The following PTPRZ1 variants were observed in gnomAD, a reference collection of about 807,000 sequenced individuals.
PTPRZ1 encodes protein tyrosine phosphatase receptor type Z1, also known as receptor-type tyrosine-protein phosphatase zeta.
Under a neutral mutation model 214.1 loss-of-function variants are expected in PTPRZ1, and 82 were observed. The observed-to-expected ratio is 0.38, with a 90% CI of 0.32 to 0.46. The LOEUF (loss-of-function observed/expected upper bound fraction) is 0.46, where lower values mean the gene tolerates loss of function less well. Among genes scored for constraint, PTPRZ1 ranks in the 20% least tolerant of loss-of-function variants. The probability of loss-of-function intolerance (pLI) is 1.00; values close to 1 mark genes in which losing one functional copy is unlikely to be tolerated. For synonymous variants in PTPRZ1, 945 were observed against 987.9 expected, an observed-to-expected ratio of 0.96 and a Z score of 0.81; for missense variants, 2,603 against 2,748.7, an observed-to-expected ratio of 0.95 and a Z score of 1.19.
intron 1 of PTPRZ1, among the ~76,000 whole-genome samples, chr7:121,891,738 C>G (rs897865849): frequency 6.6e-6 from 1 of 151,868 alleles, no homozygotes; most frequent in African/African-American, 2.4e-5. Context: ...TACATACTCT[C>G]CAGTTTTTGC....
intron 22 of PTPRZ1, among the ~76,000 whole-genome samples, chr7:122,043,761 G>A (rs1799800189): frequency 6.6e-6 from 1 of 152,160 alleles, no homozygotes; most frequent in African/African-American, 2.4e-5. Flanking sequence ...TTCAGAGGGT[G>A]GAGGATGGCA....
chr7:121,995,550 T>C (rs1798106335), intron 8 of PTPRZ1, among the ~76,000 whole-genome samples: 1 of 152,208 alleles, frequency 6.6e-6, no homozygotes, highest in Non-Finnish European at 1.5e-5. Context: ...TGGGGCATGA[T>C]TCCCAGCATG....
intron 8 of PTPRZ1, among the ~76,000 whole-genome samples, chr7:121,994,232 T>A (rs1798060885): frequency 6.6e-6 from 1 of 152,118 alleles, no homozygotes; most frequent in Non-Finnish European, 1.5e-5. Flanking sequence ...ATGAATCCTT[T>A]ATTTTTTTCT....
At chr7:121,935,592 TCTCA>T (rs141090905) in intron 2 of PTPRZ1, among the ~76,000 whole-genome samples, 10,491 of 151,934 alleles carry the variant, frequency 0.069, 526 homozygotes, top group East Asian at 0.17. Context: ...AGAAGGAGTG[TCTCA>T]CTCAGTCGCC....
At chr7:121,958,374 T>C (rs1796775008) in intron 2 of PTPRZ1, among the ~76,000 whole-genome samples, 1 of 152,276 alleles carries the variant, frequency 6.6e-6, no homozygotes, top group African/African-American at 2.4e-5. Flanking sequence ...ATGATACCAT[T>C]TTCTCCTGGG....
In PTPRZ1 at chr7:122,059,667, G is replaced by A. The variant is rs888990519; in HGVS notation, c.6672-86G>A. The A allele has an allele frequency of 3.5e-6, 5 of 1,428,514 alleles. No homozygotes were observed. The African/African-American group carries it at 5.8e-5, about 16-fold the overall frequency. The allele number at this position is 1,428,514 out of a possible 1,614,324, so 88.5% of individuals were successfully genotyped here. ...GTTTCAGTGTTTTCACTGCAAAGTT[G>A]TCAAGGCTATATGCTTTGTGAGTTC... On this transcript the variant is annotated intron_variant, in intron 28 of 29. Transcript: ENST00000393386.
Position 122,028,564 on chromosome 7 carries a change from G to C in PTPRZ1, c.5001G>C (p.Gln1667His), listed in dbSNP as rs757432075. The C allele has an allele frequency of 1.4e-5, 22 of 1,536,950 alleles. No homozygotes were observed. Among genetic ancestry groups the C allele is most frequent in the Non-Finnish European group, 1.7e-5 (19 of 1,110,574 alleles). Residue 1667 changes from glutamine (Q) to histidine (H), a missense_variant, in exon 14 of 30, where the codon CAG becomes CAC. Gln to His is a conservative substitution (Grantham distance 24). Coordinates refer to ENST00000393386, the MANE Select transcript of PTPRZ1 (RefSeq NM_002851.3). Reference protein sequence around the residue: ...GILIYWRKCFQTAHFYLEDST... With the variant: ...GILIYWRKCFHTAHFYLEDST... ...CTTTTATTTCCAGGAAATGCTTCCA[G>C]ACTGCACACTTTTACTTAGAGGACA...
chr7:122,038,474 A>G (rs1799614853), intron 18 of PTPRZ1, among the ~76,000 whole-genome samples: 4 of 151,638 alleles, frequency 2.6e-5, no homozygotes, highest in Admixed American at 2.6e-4. Context: ...ACAAATGCAC[A>G]GAATTATAGT....
chr7:121,893,371 G>T (rs1293203568), intron 1 of PTPRZ1, among the ~76,000 whole-genome samples: 1 of 152,186 alleles, frequency 6.6e-6, no homozygotes, highest in African/African-American at 2.4e-5. Context: ...TTTGCACCGT[G>T]GTGTCGACAT....
At chr7:121,881,334 G>T (rs1794232172) in intron 1 of PTPRZ1, among the ~76,000 whole-genome samples, 1 of 152,182 alleles carries the variant, frequency 6.6e-6, no homozygotes, top group Non-Finnish European at 1.5e-5. Context: ...CCCAGTAAAT[G>T]GTATTTTGTT....
At chr7:121,952,024 T>C (rs1011887804) in intron 2 of PTPRZ1, among the ~76,000 whole-genome samples, 2 of 151,612 alleles carry the variant, frequency 1.3e-5, no homozygotes, top group Non-Finnish European at 2.9e-5. Flanking sequence ...AGTGACGCGA[T>C]CTCGGCTCAC....
Position 122,004,668 on chromosome 7 carries a change from A to G in PTPRZ1, c.1287+8A>G, listed in dbSNP as rs1275736499. ...ACTGAAGAAATAATCAAGGTATCAT[A>G]GCCATTTTTATATTCAAATGTTTTA... On this transcript the variant is annotated splice_region_variant and intron_variant, in intron 11 of 29. Transcript: ENST00000393386. The G allele has an allele frequency of 2.2e-6, 3 of 1,340,066 alleles. No individual in the cohort carries two copies. The highest frequency in any genetic ancestry group is 3.1e-6 in the Non-Finnish European group (3 of 959,768). The allele number at this position is 1,340,066 out of a possible 1,614,324, so 83.0% of individuals were successfully genotyped here. A position where few individuals can be genotyped will look rare whatever the true frequency, so the allele number is the denominator to read the frequency against.
chr7:122,060,832 T>G (rs1792548937), intron 29 of PTPRZ1, among the ~76,000 whole-genome samples: 1 of 152,174 alleles, frequency 6.6e-6, no homozygotes. Context: ...GAATAAGAAT[T>G]AAGTACTTAT....
intron 11 of PTPRZ1, among the ~76,000 whole-genome samples, chr7:122,008,983 A>AT (rs1798568178): frequency 6.6e-6 from 1 of 152,080 alleles, no homozygotes; most frequent in Admixed American, 6.6e-5. Flanking sequence ...TATTTGGGAA[A>AT]ATCTCTCAGG....
rs1488204240 is a variant in PTPRZ1 at position 122,012,425 on chromosome 7, C to T, written c.3379C>T (p.Pro1127Ser). Residue 1127 changes from proline to serine, a missense_variant, in exon 12 of 30, where the codon CCT (proline) becomes TCT (serine). Pro to Ser is a moderately conservative substitution (Grantham distance 74). This residue lies in a region of PTPRZ1 where 1,913 missense variants were observed against 1,914.3 expected (regional missense o/e 1.00). Transcript: ENST00000393386. Reference sequence around the variant, plus strand: ...TCCAGAAAATAACTTTTCAGTTCAACCTACACATACTGTCTCTCAAGCATC... The same window carrying T: ...TCCAGAAAATAACTTTTCAGTTCAATCTACACATACTGTCTCTCAAGCATC... The part of the protein sequence containing the change: ...QVPENNFSVQ[P>S]THTVSQASGD... 10 of 1,613,702 alleles carry T rather than the reference C, an allele frequency of 6.2e-6. No homozygotes were observed. Among genetic ancestry groups the T allele is most frequent in the Non-Finnish European group, 7.6e-6 (9 of 1,179,808 alleles).
At chr7:121,974,930 C>T (rs964474992) in intron 4 of PTPRZ1, among the ~76,000 whole-genome samples, 5 of 152,194 alleles carry the variant, frequency 3.3e-5, no homozygotes, top group African/African-American at 9.6e-5. Flanking sequence ...CTCAAACTGT[C>T]ATCCCAGCAC....
At chr7:122,040,431 T>A (rs1799689191) in intron 20 of PTPRZ1, among the ~76,000 whole-genome samples, 1 of 152,192 alleles carries the variant, frequency 6.6e-6, no homozygotes, top group Admixed American at 6.5e-5. Flanking sequence ...ATTCTTCAGG[T>A]AACCTATCCT....
chr7:121,918,848 CA>C lies in PTPRZ1; in HGVS notation c.59-9300del, dbSNP rs10648079. On this transcript the variant is annotated intron_variant, in intron 1 of 29. Coordinates refer to ENST00000393386, the MANE Select transcript of PTPRZ1 (RefSeq NM_002851.3). ...TTGATATTTTATATCATGTATATTTCAAAAAAAATCAATAAATATATTTGAA... is the reference window on the plus strand; with the variant it reads ...TTGATATTTTATATCATGTATATTTCAAAAAAATCAATAAATATATTTGAA... Among the ~76,000 whole-genome samples, 103 of 151,030 alleles carry C rather than the reference CA, an allele frequency of 6.8e-4. 1 individual carries two copies. Among genetic ancestry groups the C allele is most frequent in the South Asian group, 1.0e-3 (5 of 4,800 alleles).
At chr7:122,036,561 G>A (rs1799543390) in intron 17 of PTPRZ1, 39 bp from the exon 18 acceptor site, 1 of 1,303,352 alleles carries the variant, frequency 7.7e-7, no homozygotes, top group African/African-American at 1.5e-5. Context: ...CTGAAAAGTA[G>A]TCTGTGCTAC....
Sources: allele counts gnomAD v4.1 joint callset (sites outside exome capture counted in the v4.1 genomes callset), GRCh38; gene constraint gnomAD v4.1.1; regional missense constraint gnomAD v4.1.1; transcripts MANE v1.5; gene names NCBI Gene and HGNC (gene_info 2026-07-23, HGNC 2026-07-21).